Variants in RNF150 observed in about 807,000 individuals in gnomAD.
The protein encoded by RNF150 is ring finger protein 150.
A neutral mutation model predicts 39.3 loss-of-function variants in RNF150; 24 were observed. That is an observed-to-expected ratio of 0.61 (90% confidence interval 0.44 to 0.86). RNF150 has a LOEUF of 0.86. Among genes scored for constraint, RNF150 ranks in the 40% least tolerant of loss-of-function variants. The pLI, the probability that RNF150 is intolerant of heterozygous loss-of-function variation, is 0.00. For synonymous variants in RNF150, 255 were observed against 227.3 expected (o/e 1.12, Z -1.10); for missense variants, 502 against 587.8 (o/e 0.85, Z 1.51).
intron 1 of RNF150, among the ~76,000 whole-genome samples, chr4:140,980,563 G>C (rs1461831052): frequency 6.6e-6 from 1 of 152,132 alleles, no homozygotes; most frequent in African/African-American, 2.4e-5. Flanking sequence ...CCCATGTGTA[G>C]TGGGAGGAGC....
At chr4:140,891,777 A>G (rs1026742478) in intron 6 of RNF150, among the ~76,000 whole-genome samples, 2 of 152,138 alleles carry the variant, frequency 1.3e-5, no homozygotes, top group South Asian at 4.2e-4. Context: ...ACACAGCAGG[A>G]GGTGGGTGGA....
chr4:141,157,094 A>G (rs1191209847), intron 1 of RNF150, among the ~76,000 whole-genome samples: 1 of 152,102 alleles, frequency 6.6e-6, no homozygotes, highest in Non-Finnish European at 1.5e-5. Flanking sequence ...CCATAGTGTA[A>G]CACTGTCATC....
intron 6 of RNF150, among the ~76,000 whole-genome samples, chr4:140,871,832 C>T (rs1728959564): frequency 6.6e-6 from 1 of 152,136 alleles, no homozygotes; most frequent in African/African-American, 2.4e-5. Flanking sequence ...AAAAAGGGGC[C>T]ACAGGGACTG....
intron 1 of RNF150, among the ~76,000 whole-genome samples, chr4:141,088,857 T>C (rs1367751982): frequency 2.6e-5 from 4 of 152,142 alleles, no homozygotes; most frequent in Non-Finnish European, 2.9e-5. Flanking sequence ...AGTTTTCACC[T>C]TCCGGGCTAG....
In RNF150 at chr4:140,868,180, T is replaced by C. The variant is rs1728787993; in HGVS notation, c.*81A>G. ...TGCCAAGGTGATCTGGAGGTGTGTGTGTGCCTGGTCCAAGTCTTGGAGCAC... is the reference window on the plus strand; with the variant it reads ...TGCCAAGGTGATCTGGAGGTGTGTGCGTGCCTGGTCCAAGTCTTGGAGCAC... On this transcript the variant is annotated 3_prime_UTR_variant, in exon 7 of 7. Coordinates refer to ENST00000515673, the MANE Select transcript of RNF150 (RefSeq NM_020724.2). 6.1e-6 allele frequency: 5 copies of C among 816,880 alleles called. No homozygotes were observed. The Admixed American group carries it at 8.9e-5, about 15-fold the overall frequency. 50.6% of individuals were successfully genotyped at this position (816,880 alleles called of 1,614,324 possible).
intron 4 of RNF150, among the ~76,000 whole-genome samples, chr4:140,929,711 G>A (rs564730274): frequency 9.1e-4 from 139 of 152,092 alleles, no homozygotes; most frequent in Non-Finnish European, 1.6e-3. Context: ...CTGTAGTATA[G>A]TTCTTCAATT....
chr4:141,203,896 T>G (rs1728333780), intron 1 of RNF150, among the ~76,000 whole-genome samples: 1 of 151,992 alleles, frequency 6.6e-6, no homozygotes, highest in South Asian at 2.1e-4. Flanking sequence ...CTCTAGACCT[T>G]CCCAGAGGGG....
At chr4:140,892,459 T>A (rs1729787690) in intron 6 of RNF150, among the ~76,000 whole-genome samples, 1 of 152,248 alleles carries the variant, frequency 6.6e-6, no homozygotes, top group Non-Finnish European at 1.5e-5. Flanking sequence ...GCTTTTCATG[T>A]ATTTATTAAC....
chr4:141,031,868 T>C (rs1360022012), intron 1 of RNF150, among the ~76,000 whole-genome samples: 1 of 151,950 alleles, frequency 6.6e-6, no homozygotes, highest in African/African-American at 2.4e-5. Flanking sequence ...AACTATGATC[T>C]AGCAATCCCA....
chr4:140,957,562 A>G (rs561641744), intron 2 of RNF150, among the ~76,000 whole-genome samples: 2 of 152,340 alleles, frequency 1.3e-5, no homozygotes, highest in African/African-American at 4.8e-5. Context: ...ATATACCCAA[A>G]GGACTATAAA....
chr4:140,949,375 G>T lies in RNF150; in HGVS notation c.736-3C>A. 6.2e-7 allele frequency: 1 copy of T among 1,612,662 alleles called. No homozygotes were observed. The highest frequency in any genetic ancestry group is 1.1e-5 in the South Asian group (1 of 90,712). On this transcript the variant is annotated splice_polypyrimidine_tract_variant and splice_region_variant and intron_variant, in intron 2 of 6. Transcript: ENST00000515673. ...TTTGCTGCATCCCCCAGTCGGCGCT[G>T]AAAAGCCAAAACGTGCTTGTTAATA...
intron 5 of RNF150, among the ~76,000 whole-genome samples, chr4:140,916,670 C>T (rs189041861): frequency 6.6e-6 from 1 of 152,112 alleles, no homozygotes; most frequent in Non-Finnish European, 1.5e-5. Context: ...GGCCAACATT[C>T]AAATTCAGGA....
chr4:140,870,776 C>G (rs892084986), intron 6 of RNF150, among the ~76,000 whole-genome samples: 3 of 151,906 alleles, frequency 2.0e-5, no homozygotes, highest in Non-Finnish European at 4.4e-5. Context: ...AGTCATGGAC[C>G]ATTCATCTGT....
chr4:140,879,268 A>G (rs1729286875), intron 6 of RNF150, among the ~76,000 whole-genome samples: 1 of 152,224 alleles, frequency 6.6e-6, no homozygotes, highest in Admixed American at 6.5e-5. Context: ...CCACACAAAA[A>G]AAATGCCATT....
At chr4:141,050,728 G>T (rs1443546598) in intron 1 of RNF150, among the ~76,000 whole-genome samples, 3 of 152,232 alleles carry the variant, frequency 2.0e-5, no homozygotes, top group African/African-American at 7.2e-5. Context: ...CTGTGGCTAT[G>T]CAGTGTACAG....
At chr4:140,892,153 TGAG>T (rs1729775883) in intron 6 of RNF150, among the ~76,000 whole-genome samples, 1 of 151,474 alleles carries the variant, frequency 6.6e-6, no homozygotes, top group Non-Finnish European at 1.5e-5. Context: ...ACTGTTGGAT[TGAG>T]ATTTTTTTGT....
intron 1 of RNF150, among the ~76,000 whole-genome samples, chr4:141,165,210 C>T (rs1429989814): frequency 5.3e-5 from 8 of 152,130 alleles, no homozygotes; most frequent in African/African-American, 9.7e-5. Context: ...AAAGGCATTA[C>T]GTAATGGTAA....
rs531273005 is a variant in RNF150, at chr4:141,074,762, T to C, written c.484+57563A>G. 5.9e-5 allele frequency among the ~76,000 whole-genome samples: 9 copies of C among 152,310 alleles called. No homozygotes were observed. The South Asian group carries it at 1.9e-3, about 32-fold the overall frequency. On this transcript the variant is annotated intron_variant, in intron 1 of 6. Coordinates refer to ENST00000515673, the MANE Select transcript of RNF150 (RefSeq NM_020724.2). Reference sequence around the variant, plus strand: ...CCAGAAATCAGCTGGCAAGAGGGACTGTAATGCTGTTTGTGATACAAGAAA... The same window carrying C: ...CCAGAAATCAGCTGGCAAGAGGGACCGTAATGCTGTTTGTGATACAAGAAA...
intron 6 of RNF150, among the ~76,000 whole-genome samples, chr4:140,870,427 A>G (rs1033295488): frequency 6.6e-6 from 1 of 151,598 alleles, no homozygotes; most frequent in African/African-American, 2.4e-5. Flanking sequence ...CTTGCTATAT[A>G]TGATCTCCCA....
Sources: gnomAD v4.1 joint callset for allele counts (sites outside exome capture counted in the v4.1 genomes callset) on GRCh38, gnomAD v4.1.1 for gene constraint, MANE v1.5 for transcripts, NCBI Gene and HGNC (gene_info 2026-07-23, HGNC 2026-07-21) for gene names.